AUTS2: variants seen among roughly 807,000 people sequenced by gnomAD.
AUTS2 encodes the protein autism susceptibility gene 2 protein.
AUTS2 carries 17 observed loss-of-function variants against 112.4 expected under a neutral mutation model. That is an observed-to-expected ratio of 0.15 (90% CI 0.10 to 0.23). AUTS2 has a LOEUF of 0.23. Among genes scored for constraint, AUTS2 ranks in the 10% least tolerant of loss-of-function variants. The pLI, the probability that AUTS2 is intolerant of heterozygous loss-of-function variation, is 1.00. For missense variants in AUTS2, 1,510 were observed against 1,701.6 expected (o/e 0.89, Z 1.98); for synonymous variants, 751 against 702.7 (o/e 1.07, Z -1.09).
chr7:69,711,024 T>A (rs965206477), intron 1 of AUTS2, among the ~76,000 whole-genome samples: 1 of 152,202 alleles, frequency 6.6e-6, no homozygotes, highest in Non-Finnish European at 1.5e-5. Context: ...CCCTTAGGAA[T>A]GTTTCCTTTT....
intron 6 of AUTS2, among the ~76,000 whole-genome samples, chr7:70,708,016 G>C (rs1809831130): frequency 6.6e-6 from 1 of 152,264 alleles, no homozygotes; most frequent in African/African-American, 2.4e-5. Flanking sequence ...GCTTTTCTAA[G>C]AGTCCTTTTG....
chr7:70,346,493 CGGA>C (rs1562896664), intron 4 of AUTS2, among the ~76,000 whole-genome samples: 2 of 152,212 alleles, frequency 1.3e-5, no homozygotes, highest in South Asian at 2.1e-4. Context: ...TTCTCATTTG[CGGA>C]GGAGGTTAGA....
At chr7:70,333,724 G>T (rs1052104279) in intron 4 of AUTS2, among the ~76,000 whole-genome samples, 1 of 151,990 alleles carries the variant, frequency 6.6e-6, no homozygotes, top group Non-Finnish European at 1.5e-5. Flanking sequence ...ACCAAACACC[G>T]CATGTTCTCA....
intron 2 of AUTS2, among the ~76,000 whole-genome samples, chr7:69,977,167 C>G (rs1798094227): frequency 6.6e-6 from 1 of 152,140 alleles, no homozygotes; most frequent in Non-Finnish European, 1.5e-5. Flanking sequence ...ATGTGAGCGT[C>G]CAGTTTTCCC....
chr7:69,919,234 A>G (rs1305105174), intron 2 of AUTS2, among the ~76,000 whole-genome samples: 1 of 152,192 alleles, frequency 6.6e-6, no homozygotes, highest in Non-Finnish European at 1.5e-5. Flanking sequence ...TAGACTGTAT[A>G]AAGTATTGTG....
At chr7:70,214,289 C>T (rs972592425) in intron 4 of AUTS2, among the ~76,000 whole-genome samples, 3 of 152,162 alleles carry the variant, frequency 2.0e-5, no homozygotes, top group Non-Finnish European at 4.4e-5. Flanking sequence ...AGGGAAAAGA[C>T]AGGATTCCAC....
intron 4 of AUTS2, among the ~76,000 whole-genome samples, chr7:70,423,493 T>G (rs2130718627): frequency 6.6e-6 from 1 of 152,336 alleles, no homozygotes; most frequent in South Asian, 2.1e-4. Context: ...AACATTTTAA[T>G]AATGTCAAAG....
chr7:69,711,200 A>G (rs1016092175), intron 1 of AUTS2, among the ~76,000 whole-genome samples: 1 of 152,144 alleles, frequency 6.6e-6, no homozygotes, highest in Non-Finnish European at 1.5e-5. Context: ...ATGTGGTTCT[A>G]TCCCATTGCT....
At chr7:70,550,966 A>T (rs1800992937) in intron 5 of AUTS2, among the ~76,000 whole-genome samples, 1 of 152,130 alleles carries the variant, frequency 6.6e-6, no homozygotes, top group African/African-American at 2.4e-5. Context: ...ATGAACCTGG[A>T]GTATGTTATG....
intron 4 of AUTS2, among the ~76,000 whole-genome samples, chr7:70,303,962 T>C (rs555429230): frequency 6.6e-6 from 1 of 152,330 alleles, no homozygotes; most frequent in Admixed American, 6.5e-5. Flanking sequence ...CTGTTTCACA[T>C]CTCTGACTCC....
chr7:70,538,893 C>G (rs771769318), intron 5 of AUTS2, among the ~76,000 whole-genome samples: 1 of 152,106 alleles, frequency 6.6e-6, no homozygotes, highest in Non-Finnish European at 1.5e-5. Context: ...CTATTGTGTG[C>G]CAGGTATAGT....
intron 5 of AUTS2, among the ~76,000 whole-genome samples, chr7:70,675,213 C>G (rs1444349277): frequency 6.6e-6 from 1 of 152,130 alleles, no homozygotes; most frequent in Non-Finnish European, 1.5e-5. Flanking sequence ...TGTTTGGTGA[C>G]CAGGCGCAGT....
chr7:69,958,399 T>C (rs1056088563), intron 2 of AUTS2, among the ~76,000 whole-genome samples: 1 of 152,146 alleles, frequency 6.6e-6, no homozygotes, highest in Non-Finnish European at 1.5e-5. Context: ...TTGCTTCTGG[T>C]GCCACTGCAT....
At chr7:69,647,269 G>A (rs1465409616) in intron 1 of AUTS2, among the ~76,000 whole-genome samples, 1 of 151,786 alleles carries the variant, frequency 6.6e-6, no homozygotes, top group Admixed American at 6.6e-5. Flanking sequence ...GTTATTCAGA[G>A]GTCTTTTCCT....
At chr7:69,980,396 G>A (rs1222853538) in intron 2 of AUTS2, among the ~76,000 whole-genome samples, 2 of 152,182 alleles carry the variant, frequency 1.3e-5, no homozygotes, top group Non-Finnish European at 2.9e-5. Flanking sequence ...CTTCCTTGGA[G>A]TTATATAATT....
chr7:70,121,557 A>G (rs1003640893), intron 3 of AUTS2, among the ~76,000 whole-genome samples: 23 of 152,342 alleles, frequency 1.5e-4, no homozygotes, highest in African/African-American at 5.0e-4. Flanking sequence ...AGTACAAAGA[A>G]GAGGTACTTG....
chr7:70,777,240 A>G (rs755149180), intron 14 of AUTS2, 66 bp downstream of exon 14: 8 of 1,427,416 alleles, frequency 5.6e-6, no homozygotes, highest in African/African-American at 2.8e-5. Flanking sequence ...CGTGCTCGGG[A>G]GAACCTGATG....
chr7:70,393,876 A>G (rs926588283), intron 4 of AUTS2, among the ~76,000 whole-genome samples: 1 of 152,142 alleles, frequency 6.6e-6, no homozygotes, highest in Admixed American at 6.6e-5. Flanking sequence ...TCAAAAACAG[A>G]GAGTGAGCCA....
intron 2 of AUTS2, among the ~76,000 whole-genome samples, chr7:69,927,701 A>G (rs1416579079): frequency 6.6e-6 from 1 of 152,226 alleles, no homozygotes; most frequent in African/African-American, 2.4e-5. Context: ...GCACACAGCC[A>G]GGCTTAACGG....
Sources: gnomAD v4.1 joint callset for allele counts (sites outside exome capture counted in the v4.1 genomes callset) on GRCh38, gnomAD v4.1.1 for gene constraint, MANE v1.5 for transcripts, NCBI Gene and HGNC (gene_info 2026-07-23, HGNC 2026-07-21) for gene names.